LNX1: variants seen among roughly 807,000 people sequenced by gnomAD.
The protein encoded by LNX1 is E3 ubiquitin-protein ligase LNX.
Under a neutral mutation model 68.4 loss-of-function variants are expected in LNX1, and 54 were observed. The ratio of observed to expected loss-of-function variants is 0.79; its 90% CI spans 0.63 to 0.99. LNX1 has a LOEUF of 0.99. LNX1 is among the 50% of genes least tolerant of loss of function. LNX1 has a pLI of 0.00. For synonymous variants in LNX1, 336 were observed against 350.0 expected (o/e 0.96, Z 0.45); for missense variants, 906 against 926.4 (o/e 0.98, Z 0.29).
chr4:53,548,397 A>G (rs1042799379), intron 2 of LNX1, among the ~76,000 whole-genome samples: 2 of 152,244 alleles, frequency 1.3e-5, no homozygotes, highest in African/African-American at 4.8e-5. Context: ...TCATGGATGT[A>G]TTAATGTAGT....
At chr4:53,606,262 C>T (rs1560691598) in intron 2 of LNX1, among the ~76,000 whole-genome samples, 1 of 151,798 alleles carries the variant, frequency 6.6e-6, no homozygotes, top group East Asian at 1.9e-4. Context: ...TTATCACTGA[C>T]CCCACAGAAA....
intron 2 of LNX1, among the ~76,000 whole-genome samples, chr4:53,530,477 A>T (rs1727940469): frequency 1.3e-5 from 2 of 152,258 alleles, no homozygotes; most frequent in Non-Finnish European, 2.9e-5. Context: ...ATTTTCATGT[A>T]TCAAATCAGC....
At chr4:53,584,372 CAG>C (rs975101996) in intron 1 of LNX1, among the ~76,000 whole-genome samples, 4 of 152,030 alleles carry the variant, frequency 2.6e-5, no homozygotes, top group African/African-American at 9.6e-5. Context: ...ATTATGAAAA[CAG>C]AGTTTATCCA....
At chr4:53,599,182 A>C (rs976616748) in intron 2 of LNX1, among the ~76,000 whole-genome samples, 9 of 152,216 alleles carry the variant, frequency 5.9e-5, no homozygotes, top group African/African-American at 2.2e-4. Context: ...CTGCATTCCC[A>C]GACAGTTATG....
At chr4:53,534,605 G>A (rs1426983872) in intron 2 of LNX1, among the ~76,000 whole-genome samples, 1 of 152,184 alleles carries the variant, frequency 6.6e-6, no homozygotes, top group Non-Finnish European at 1.5e-5. Flanking sequence ...TCACACCACT[G>A]TACTCTAGTC....
At chr4:53,647,937 G>A (rs772262556) in intron 1 of LNX1, among the ~76,000 whole-genome samples, 3 of 152,204 alleles carry the variant, frequency 2.0e-5, no homozygotes, top group Admixed American at 6.5e-5. Context: ...GGCATGTGCC[G>A]GAATTTCCTT....
chr4:53,516,728 G>A (rs1379689605), intron 2 of LNX1, among the ~76,000 whole-genome samples: 4 of 152,184 alleles, frequency 2.6e-5, no homozygotes, highest in African/African-American at 7.2e-5. Flanking sequence ...ACATGTTGGT[G>A]GCAGTGCTGG....
At chr4:53,485,115 G>T (rs1267910683) in intron 6 of LNX1, among the ~76,000 whole-genome samples, 1 of 152,210 alleles carries the variant, frequency 6.6e-6, no homozygotes, top group Non-Finnish European at 1.5e-5. Flanking sequence ...TGTAATAGCT[G>T]TGTCTTTCTT....
At chr4:53,505,030 G>A (rs1241875850) in intron 4 of LNX1, among the ~76,000 whole-genome samples, 1 of 152,120 alleles carries the variant, frequency 6.6e-6, no homozygotes, top group African/African-American at 2.4e-5. Flanking sequence ...TGGAAAAATG[G>A]AGCAAACAGA....
At chr4:53,620,204 T>C (rs184590833), upstream of LNX1, among the ~76,000 whole-genome samples, 18 of 152,300 alleles carry the variant, frequency 1.2e-4, no homozygotes, top group African/African-American at 2.6e-4. Context: ...TATCTACCTA[T>C]CTATCTATCT....
chr4:53,637,056 G>T (rs530153823), intron 1 of LNX1, among the ~76,000 whole-genome samples: 1 of 150,436 alleles, frequency 6.6e-6, no homozygotes, highest in Non-Finnish European at 1.5e-5. Context: ...CGCCTCAATT[G>T]TTTCACTCTC....
chr4:53,498,532 A>T (rs1375948924), intron 5 of LNX1, 109 bp downstream of exon 5: 1 of 759,726 alleles, frequency 1.3e-6, no homozygotes, highest in Non-Finnish European at 2.3e-6. Flanking sequence ...CACTATCCAC[A>T]TTTATTTTAC....
chr4:53,649,944 T>C (rs1735030101), intron 1 of LNX1, among the ~76,000 whole-genome samples: 1 of 152,108 alleles, frequency 6.6e-6, no homozygotes, highest in African/African-American at 2.4e-5. Context: ...AAATGAATAA[T>C]GGAGAACCTA....
chr4:53,490,327 T>C (rs1724594712), intron 6 of LNX1, among the ~76,000 whole-genome samples: 1 of 152,232 alleles, frequency 6.6e-6, no homozygotes, highest in Non-Finnish European at 1.5e-5. Context: ...AGCTATGACA[T>C]CAGACAGTTC....
chr4:53,624,212 C>T (rs1733991036), intron 1 of LNX1, among the ~76,000 whole-genome samples: 1 of 152,128 alleles, frequency 6.6e-6, no homozygotes, highest in African/African-American at 2.4e-5. Flanking sequence ...CTATTTCTCT[C>T]TTATGTGATT....
At chr4:53,544,547 T>C (rs1284113757) in intron 2 of LNX1, among the ~76,000 whole-genome samples, 4 of 151,906 alleles carry the variant, frequency 2.6e-5, no homozygotes, top group Admixed American at 2.6e-4. Flanking sequence ...CCTGATGAGG[T>C]TGAGCTGCTA....
chr4:53,539,548 C>T (rs1489554592), intron 2 of LNX1, among the ~76,000 whole-genome samples: 3 of 152,082 alleles, frequency 2.0e-5, no homozygotes, highest in Non-Finnish European at 2.9e-5. Flanking sequence ...TTAGTTTCTC[C>T]TTTAAATGAC....
At chr4:53,485,808 TA>T (rs1724253185) in intron 6 of LNX1, among the ~76,000 whole-genome samples, 2 of 152,154 alleles carry the variant, frequency 1.3e-5, no homozygotes, top group East Asian at 1.9e-4. Flanking sequence ...AGGGGGAGTA[TA>T]GGGGAGACAC....
intron 2 of LNX1, among the ~76,000 whole-genome samples, chr4:53,564,993 G>A (rs903744164): frequency 1.3e-5 from 2 of 152,170 alleles, no homozygotes; most frequent in African/African-American, 4.8e-5. Context: ...GGCTCGGAGG[G>A]TCCTACCCCA....
Sources: gnomAD v4.1 joint callset for allele counts (sites outside exome capture counted in the v4.1 genomes callset) on GRCh38, gnomAD v4.1.1 for gene constraint, MANE v1.5 for transcripts, NCBI Gene and HGNC (gene_info 2026-07-23, HGNC 2026-07-21) for gene names.